The following TAFA1 variants were observed in gnomAD, a reference collection of about 807,000 sequenced individuals.
TAFA1 encodes the protein chemokine-like protein TAFA-1.
A neutral mutation model predicts 18.5 loss-of-function variants in TAFA1; 4 were observed. That is an observed-to-expected ratio of 0.22 (90% confidence interval 0.11 to 0.49). The LOEUF is 0.49. Ranked by LOEUF, TAFA1 falls within the 20% of genes least tolerant of loss-of-function variation. The probability of loss-of-function intolerance (pLI) is 0.98; values close to 1 mark genes in which losing one functional copy is unlikely to be tolerated. For missense variants in TAFA1, 147 were observed against 169.0 expected (o/e 0.87, Z 0.72); for synonymous variants, 56 against 55.2 (o/e 1.01, Z -0.06).
chr3:68,477,934 A>G (rs1157488780), intron 3 of TAFA1, among the ~76,000 whole-genome samples: 1 of 152,206 alleles, frequency 6.6e-6, no homozygotes, highest in East Asian at 1.9e-4. Context: ...ATGGATCATC[A>G]GTAACACAGA....
intron 3 of TAFA1, among the ~76,000 whole-genome samples, chr3:68,443,506 A>G (rs2071424690): frequency 6.6e-6 from 1 of 151,792 alleles, no homozygotes. Context: ...ACAAAAAAAA[A>G]GAGGTTTGTT....
chr3:68,377,347 C>T (rs545265465), intron 2 of TAFA1, among the ~76,000 whole-genome samples: 1 of 152,250 alleles, frequency 6.6e-6, no homozygotes, highest in South Asian at 2.1e-4. Flanking sequence ...GAAATCCAGA[C>T]TTAGGTGGTC....
chr3:68,202,124 C>T (rs950214290), intron 2 of TAFA1, among the ~76,000 whole-genome samples: 13 of 151,728 alleles, frequency 8.6e-5, no homozygotes, highest in Non-Finnish European at 1.6e-4. Context: ...GATCAAATTT[C>T]AACAAAGTTT....
intron 2 of TAFA1, among the ~76,000 whole-genome samples, chr3:68,313,260 T>C (rs2068552595): frequency 6.6e-6 from 1 of 152,230 alleles, no homozygotes; most frequent in Non-Finnish European, 1.5e-5. Flanking sequence ...CAATTACATT[T>C]GAAAGCAAAT....
intron 2 of TAFA1, among the ~76,000 whole-genome samples, chr3:68,279,901 C>G (rs746518022): frequency 2.6e-5 from 4 of 152,020 alleles, no homozygotes; most frequent in Non-Finnish European, 4.4e-5. Flanking sequence ...CAATTTGTAG[C>G]CTTAATGATA....
At chr3:68,348,191 C>T (rs993440516) in intron 2 of TAFA1, among the ~76,000 whole-genome samples, 2 of 152,154 alleles carry the variant, frequency 1.3e-5, no homozygotes, top group African/African-American at 4.8e-5. Flanking sequence ...CTGCTCTATA[C>T]CTCAGTGCCA....
chr3:68,539,703 G>T (rs57673667), intron 4 of TAFA1, among the ~76,000 whole-genome samples: 27,069 of 54,172 alleles, frequency 0.5, 8,041 homozygotes, highest in Middle Eastern at 0.62. Flanking sequence ...TGGGTGGGTG[G>T]GTGTGTGCAT....
At chr3:68,513,719 C>T (rs2072882022) in intron 3 of TAFA1, among the ~76,000 whole-genome samples, 1 of 152,122 alleles carries the variant, frequency 6.6e-6, no homozygotes, top group Non-Finnish European at 1.5e-5. Context: ...TAAAGCAGGA[C>T]AGGTATTACT....
intron 2 of TAFA1, among the ~76,000 whole-genome samples, chr3:68,168,629 C>T (rs557005065): frequency 9.2e-5 from 14 of 152,118 alleles, no homozygotes; most frequent in Non-Finnish European, 2.1e-4. Context: ...CTCGTACCAA[C>T]GGTTTAGCTA....
chr3:68,153,807 C>T (rs1232597924), intron 2 of TAFA1, among the ~76,000 whole-genome samples: 1 of 152,102 alleles, frequency 6.6e-6, no homozygotes, highest in Non-Finnish European at 1.5e-5. Flanking sequence ...GAAATACTTG[C>T]CTTTTTTCAT....
intron 3 of TAFA1, among the ~76,000 whole-genome samples, chr3:68,532,430 C>T (rs748497250): frequency 3.2e-4 from 49 of 151,654 alleles, no homozygotes; most frequent in Admixed American, 5.2e-4. Context: ...GTCTTTTTTT[C>T]GGAGGGGGGA....
At chr3:68,269,926 C>T (rs2067630032) in intron 2 of TAFA1, among the ~76,000 whole-genome samples, 1 of 152,096 alleles carries the variant, frequency 6.6e-6, no homozygotes, top group African/African-American at 2.4e-5. Context: ...TCTACCTTTT[C>T]TTTTCCTCTG....
At chr3:68,534,639 T>C (rs925239368) in intron 3 of TAFA1, among the ~76,000 whole-genome samples, 1 of 152,140 alleles carries the variant, frequency 6.6e-6, no homozygotes, top group African/African-American at 2.4e-5. Context: ...TCTGAGGACG[T>C]TTTTCTTCTT....
At chr3:68,263,960 A>C (rs551273586) in intron 2 of TAFA1, among the ~76,000 whole-genome samples, 3 of 152,184 alleles carry the variant, frequency 2.0e-5, no homozygotes, top group Non-Finnish European at 4.4e-5. Flanking sequence ...GCTATATAGA[A>C]TTTTATTTTT....
At chr3:68,414,290 G>A (rs1217022197) in intron 2 of TAFA1, among the ~76,000 whole-genome samples, 1 of 152,066 alleles carries the variant, frequency 6.6e-6, no homozygotes, top group Non-Finnish European at 1.5e-5. Context: ...CTAGGCAACA[G>A]GAGCGAAACG....
intron 2 of TAFA1, among the ~76,000 whole-genome samples, chr3:68,379,990 C>T (rs2069902380): frequency 6.6e-6 from 1 of 151,680 alleles, no homozygotes; most frequent in Non-Finnish European, 1.5e-5. Context: ...TCGTTCAACT[C>T]CCACCTATGA....
chr3:68,174,950 C>T (rs13315761), intron 2 of TAFA1, among the ~76,000 whole-genome samples: 100,067 of 151,968 alleles, frequency 0.66, 33,777 homozygotes, highest in South Asian at 0.77. Flanking sequence ...CTGTGTGCAG[C>T]CTAGGGACTT....
chr3:68,397,963 G>A (rs1200770871), intron 2 of TAFA1, among the ~76,000 whole-genome samples: 1 of 151,988 alleles, frequency 6.6e-6, no homozygotes, highest in Non-Finnish European at 1.5e-5. Context: ...TGTCCTGAAT[G>A]GTATCAATAT....
At chr3:68,215,601 A>G (rs2066648080) in intron 2 of TAFA1, among the ~76,000 whole-genome samples, 2 of 152,088 alleles carry the variant, frequency 1.3e-5, no homozygotes, top group Non-Finnish European at 2.9e-5. Flanking sequence ...ATATGTGCAA[A>G]ATACATTTCT....
Sources: gnomAD v4.1 joint callset for allele counts (sites outside exome capture counted in the v4.1 genomes callset) on GRCh38, gnomAD v4.1.1 for gene constraint, MANE v1.5 for transcripts, NCBI Gene and HGNC (gene_info 2026-07-23, HGNC 2026-07-21) for gene names.